ADGRV1: variants seen among roughly 807,000 people sequenced by gnomAD.
ADGRV1 encodes adhesion G protein-coupled receptor V1.
Under a neutral mutation model 596.2 loss-of-function variants are expected in ADGRV1, and 359 were observed. That is an observed-to-expected ratio of 0.60 (90% CI 0.55 to 0.66). The LOEUF is 0.66. Among genes scored for constraint, ADGRV1 ranks in the 30% least tolerant of loss-of-function variants. ADGRV1 has a pLI of 0.00. For synonymous variants in ADGRV1, 2,681 were observed against 2,679.2 expected, an observed-to-expected ratio of 1.00 and a Z score of -0.02; for missense variants, 7,274 against 7,575.6, an observed-to-expected ratio of 0.96 and a Z score of 1.48.
At chr5:90,868,211 C>CTGT (rs1198110232) in intron 83 of ADGRV1, among the ~76,000 whole-genome samples, 2 of 152,030 alleles carry the variant, frequency 1.3e-5, no homozygotes, top group African/African-American at 2.4e-5. Context: ...GCCACTGTTG[C>CTGT]TGTTATTATT....
chr5:91,084,360 A>G (rs1789674935), intron 86 of ADGRV1, among the ~76,000 whole-genome samples: 1 of 152,214 alleles, frequency 6.6e-6, no homozygotes, highest in South Asian at 2.1e-4. Flanking sequence ...AGAATCTACA[A>G]AGAACTTAAA....
In ADGRV1 at chr5:90,716,716, G is replaced by T. The variant is rs373127951; in HGVS notation, c.9434G>T (p.Gly3145Val). ...AAAGGCTATATTGTTTTAGAAGAAG[G>T]TGTTCGATTCAAGGTACAGTAAGAA... ...PSKGYIVLEE[G>V]VRFKALQISA... Residue 3145 changes from glycine (G) to valine (V), a missense_variant, in exon 43 of 90, where the codon GGT becomes GTT. Around this residue, in one of 5 missense-constraint regions of ADGRV1, gnomAD observed 3,643 missense variants for 3,809.2 expected, o/e 0.96. Coordinates refer to ENST00000405460, the MANE Select transcript of ADGRV1 (RefSeq NM_032119.4). 6.2e-7 allele frequency: 1 copy of T among 1,611,958 alleles called. No homozygotes were observed. Among genetic ancestry groups the T allele is most frequent in the African/African-American group, 1.3e-5 (1 of 74,872 alleles).
At chr5:91,108,420 GACTT>G (rs1466152432) in intron 87 of ADGRV1, among the ~76,000 whole-genome samples, 2 of 152,152 alleles carry the variant, frequency 1.3e-5, no homozygotes. Flanking sequence ...GGAGATTACT[GACTT>G]ACTTTTTATC....
chr5:90,999,413 G>A (rs1436905110), intron 85 of ADGRV1, among the ~76,000 whole-genome samples: 1 of 151,864 alleles, frequency 6.6e-6, no homozygotes, highest in Admixed American at 6.6e-5. Flanking sequence ...TGCCATAAGA[G>A]TCTCAGTCTA....
At chr5:90,786,853 G>A (rs1405494935) in intron 67 of ADGRV1, among the ~76,000 whole-genome samples, 2 of 152,180 alleles carry the variant, frequency 1.3e-5, no homozygotes, top group East Asian at 3.8e-4. Context: ...TGACATCCCA[G>A]GGGAGGGTGG....
At chr5:90,576,262 C>A (rs1757188332) in intron 1 of ADGRV1, among the ~76,000 whole-genome samples, 1 of 151,730 alleles carries the variant, frequency 6.6e-6, no homozygotes, top group African/African-American at 2.4e-5. Context: ...ATCCCTCCCC[C>A]AGCCCCCCGC....
chr5:90,912,213 G>A (rs1158578390), intron 83 of ADGRV1, among the ~76,000 whole-genome samples: 1 of 152,062 alleles, frequency 6.6e-6, no homozygotes, highest in Non-Finnish European at 1.5e-5. Flanking sequence ...GACCAGTGGT[G>A]AAAGCAGAAA....
At chr5:91,044,700 A>T (rs1785642261) in intron 85 of ADGRV1, among the ~76,000 whole-genome samples, 1 of 152,182 alleles carries the variant, frequency 6.6e-6, no homozygotes, top group African/African-American at 2.4e-5. Context: ...AAATGAATTG[A>T]CTTTGCCTTT....
At chr5:91,158,341 G>C (rs1796641794) in intron 89 of ADGRV1, among the ~76,000 whole-genome samples, 1 of 152,152 alleles carries the variant, frequency 6.6e-6, no homozygotes, top group Non-Finnish European at 1.5e-5. Flanking sequence ...TCATAATGAA[G>C]TTTTCTATAA....
chr5:90,874,336 C>G (rs1769008464), intron 83 of ADGRV1, among the ~76,000 whole-genome samples: 1 of 152,200 alleles, frequency 6.6e-6, no homozygotes, highest in Non-Finnish European at 1.5e-5. Flanking sequence ...TACGTTACCA[C>G]CTCAGAGTGG....
chr5:90,750,363 T>G (rs1483680130), intron 52 of ADGRV1, among the ~76,000 whole-genome samples, 188 bp from the exon 53 acceptor site: 1 of 152,164 alleles, frequency 6.6e-6, no homozygotes, highest in Non-Finnish European at 1.5e-5. Context: ...AGTCTGTTAC[T>G]TATTCAAACA....
intron 39 of ADGRV1, among the ~76,000 whole-genome samples, chr5:90,709,159 T>A (rs1303644741): frequency 6.6e-6 from 1 of 152,200 alleles, no homozygotes; most frequent in Non-Finnish European, 1.5e-5. Flanking sequence ...AAATTTGTAA[T>A]CCTCAAAATA....
intron 1 of ADGRV1, among the ~76,000 whole-genome samples, chr5:90,579,028 T>C (rs1757613378): frequency 6.6e-6 from 1 of 152,184 alleles, no homozygotes; most frequent in Admixed American, 6.6e-5. Context: ...GCGGTCTACC[T>C]ATTCTGTTGA....
At chr5:90,699,484 T>A (rs1747621397) in intron 34 of ADGRV1, among the ~76,000 whole-genome samples, 1 of 152,080 alleles carries the variant, frequency 6.6e-6, no homozygotes, top group Non-Finnish European at 1.5e-5. Flanking sequence ...AGAGCTGAGA[T>A]CAGGAAAGGA....
At chr5:90,933,479 AG>A in intron 83 of ADGRV1, among the ~76,000 whole-genome samples, 1 of 152,266 alleles carries the variant, frequency 6.6e-6, no homozygotes, top group East Asian at 1.9e-4. Context: ...TTTTAAGGGC[AG>A]TAAGTGAGTC....
intron 66 of ADGRV1, 103 bp downstream of exon 66, chr5:90,783,428 T>G: frequency 1.2e-6 from 1 of 824,894 alleles, no homozygotes; most frequent in Non-Finnish European, 2.0e-6. Context: ...ATAATATGTG[T>G]CCATTGGAAA....
chr5:90,922,494 C>T (rs1773971216), intron 83 of ADGRV1, among the ~76,000 whole-genome samples: 1 of 152,100 alleles, frequency 6.6e-6, no homozygotes, highest in Admixed American at 6.6e-5. Flanking sequence ...CTTACTATGT[C>T]GTGTATTTTC....
chr5:90,675,990 T>A (rs1561506277), intron 24 of ADGRV1, 90 bp from the exon 25 acceptor site: 1 of 1,057,532 alleles, frequency 9.5e-7, no homozygotes, highest in Non-Finnish European at 1.3e-6. Context: ...TAACAAACAT[T>A]CTGATTTTAC....
intron 1 of ADGRV1, among the ~76,000 whole-genome samples, chr5:90,576,279 A>G (rs1478494402): frequency 7.3e-6 from 1 of 136,440 alleles, no homozygotes; most frequent in African/African-American, 2.8e-5. Flanking sequence ...CCGCCCCACG[A>G]CAAGCCCCAG....
Sources: allele counts gnomAD v4.1 joint callset (sites outside exome capture counted in the v4.1 genomes callset), GRCh38; gene constraint gnomAD v4.1.1; regional missense constraint gnomAD v4.1.1; transcripts MANE v1.5; gene names NCBI Gene and HGNC (gene_info 2026-07-23, HGNC 2026-07-21).